Variants in TMEM245 observed in about 807,000 individuals in gnomAD.
TMEM245 encodes the protein transmembrane protein 245, also known as protein CG-2.
A neutral mutation model predicts 101.2 loss-of-function variants in TMEM245; 69 were observed. That is an observed-to-expected ratio of 0.68 (90% CI 0.56 to 0.83). The LOEUF is 0.83. Among genes scored for constraint, TMEM245 ranks in the 40% least tolerant of loss-of-function variants. The probability of loss-of-function intolerance (pLI) is 0.00; values close to 1 mark genes in which losing one functional copy is unlikely to be tolerated. For missense variants in TMEM245, 1,075 were observed against 1,092.8 expected (o/e 0.98, Z 0.23); for synonymous variants, 537 against 449.8 (o/e 1.19, Z -2.45).
chr9:109,037,368 T>A (rs543582970), intron 15 of TMEM245, among the ~76,000 whole-genome samples: 1 of 152,210 alleles, frequency 6.6e-6, no homozygotes, highest in Non-Finnish European at 1.5e-5. Context: ...AGAACATTCA[T>A]TCATTGAACA....
chr9:109,112,619 G>C (rs1350177792), intron 1 of TMEM245, among the ~76,000 whole-genome samples: 1 of 150,964 alleles, frequency 6.6e-6, no homozygotes, highest in Non-Finnish European at 1.5e-5. Flanking sequence ...TAAATGAAAA[G>C]AGCAAGGTAC....
chr9:109,050,869 A>C (rs1486583293), intron 12 of TMEM245, among the ~76,000 whole-genome samples, 177 bp from the exon 13 acceptor site: 1 of 151,838 alleles, frequency 6.6e-6, no homozygotes, highest in Non-Finnish European at 1.5e-5. Flanking sequence ...ACAGTTGTAT[A>C]CTCAATAGTA....
At chr9:109,057,491 G>C (rs139311847) in intron 11 of TMEM245, among the ~76,000 whole-genome samples, 169 bp from the exon 12 acceptor site, 158 of 152,316 alleles carry the variant, frequency 1.0e-3, no homozygotes, top group African/African-American at 3.7e-3. Flanking sequence ...GGTGGCTCAT[G>C]TCTGTAATCC....
intron 3 of TMEM245, among the ~76,000 whole-genome samples, chr9:109,103,555 A>G (rs1483007756): frequency 6.6e-6 from 1 of 152,230 alleles, no homozygotes; most frequent in Non-Finnish European, 1.5e-5. Flanking sequence ...CGCCAAAAAA[A>G]AAGAATGAGA....
chr9:109,057,925 C>CTTTTTTTTTTTT (rs35332085), intron 11 of TMEM245, among the ~76,000 whole-genome samples: 1 of 112,736 alleles, frequency 8.9e-6, no homozygotes, highest in Non-Finnish European at 1.8e-5. Context: ...CATTTACTTT[C>CTTTTTTTTTTTT]TTTTTTTTTT....
intron 4 of TMEM245, among the ~76,000 whole-genome samples, chr9:109,092,134 T>C (rs73654222): frequency 1.3e-5 from 2 of 152,344 alleles, no homozygotes; most frequent in East Asian, 3.9e-4. Flanking sequence ...TTCTCTTCAG[T>C]TGAAAGTCAG....
At chr9:109,080,255 T>TG (rs1308049621) in intron 8 of TMEM245, among the ~76,000 whole-genome samples, 2 of 151,460 alleles carry the variant, frequency 1.3e-5, no homozygotes, top group Non-Finnish European at 1.5e-5. Flanking sequence ...ACCATAAAAG[T>TG]GGGGGGGAAA....
At chr9:109,025,863 T>C (rs1221378583) in intron 17 of TMEM245, among the ~76,000 whole-genome samples, 1 of 152,240 alleles carries the variant, frequency 6.6e-6, no homozygotes, top group East Asian at 1.9e-4. Flanking sequence ...CTGTGCTGTA[T>C]CCACTACATT....
intron 1 of TMEM245, among the ~76,000 whole-genome samples, chr9:109,111,437 A>G (rs1241595403): frequency 6.6e-6 from 1 of 152,172 alleles, no homozygotes; most frequent in Non-Finnish European, 1.5e-5. Flanking sequence ...ATCATTTGCA[A>G]GGAGAGAAAA....
At position 109,050,247 on chromosome 9, in the gene TMEM245, T is replaced by G. The variant is rs756606087; in HGVS notation, c.2123+36A>C. The G allele has an allele frequency of 2.5e-6, 4 of 1,607,452 alleles. No individual in the cohort carries two copies. The Admixed American group carries it at 6.8e-5, about 27-fold the overall frequency. On this transcript the variant is annotated intron_variant, in intron 14 of 17. Coordinates refer to ENST00000374586, the MANE Select transcript of TMEM245 (RefSeq NM_032012.4). ...CAGGCTTATCATGGAAAAAAAGTTC[T>G]GGGAGAAATAAGAATAGCATAAACC...
chr9:109,061,953 T>C (rs1829028940), intron 10 of TMEM245, among the ~76,000 whole-genome samples: 1 of 152,108 alleles, frequency 6.6e-6, no homozygotes, highest in Non-Finnish European at 1.5e-5. Context: ...GGATGTTCAT[T>C]GCAGGGTTAC....
At chr9:109,088,616 G>T (rs996897778) in intron 5 of TMEM245, among the ~76,000 whole-genome samples, 2 of 151,770 alleles carry the variant, frequency 1.3e-5, no homozygotes, top group Non-Finnish European at 2.9e-5. Flanking sequence ...TCAGGAGATC[G>T]AGACCATCCT....
chr9:109,068,723 A>G (rs1416039499), intron 9 of TMEM245, among the ~76,000 whole-genome samples: 1 of 152,222 alleles, frequency 6.6e-6, no homozygotes, highest in Non-Finnish European at 1.5e-5. Context: ...AACATCTTGG[A>G]TGAGCTTCAA....
chr9:109,023,534 G>A (rs902799571), intron 17 of TMEM245, among the ~76,000 whole-genome samples: 17 of 152,020 alleles, frequency 1.1e-4, no homozygotes, highest in South Asian at 2.1e-4. Flanking sequence ...AGAATTTCTC[G>A]TCTAAGAATA....
intron 8 of TMEM245, among the ~76,000 whole-genome samples, chr9:109,077,485 C>G (rs1201698943): frequency 6.6e-6 from 1 of 152,194 alleles, no homozygotes; most frequent in Non-Finnish European, 1.5e-5. Flanking sequence ...TTATTATTTT[C>G]TAACTACTTA....
intron 16 of TMEM245, among the ~76,000 whole-genome samples, chr9:109,035,110 T>C (rs1828079187): frequency 7.0e-6 from 1 of 142,386 alleles, no homozygotes; most frequent in Non-Finnish European, 1.5e-5. Flanking sequence ...TGAGGCGAGA[T>C]TGCACCACTG....
intron 2 of TMEM245, among the ~76,000 whole-genome samples, chr9:109,106,972 A>G (rs1311219525): frequency 1.3e-5 from 2 of 152,270 alleles, no homozygotes; most frequent in East Asian, 3.9e-4. Context: ...TCAAAGCCAT[A>G]AAGTCTGCCT....
chr9:109,026,519 G>A (rs577763164), intron 17 of TMEM245, among the ~76,000 whole-genome samples: 27 of 151,790 alleles, frequency 1.8e-4, no homozygotes, highest in Non-Finnish European at 3.2e-4. Context: ...GGCACCTGGT[G>A]TATCTGAGGC....
chr9:109,119,858 G>C lies in TMEM245; in HGVS notation c.56C>G (p.Pro19Arg). The C allele has an allele frequency of 7.6e-7, 1 of 1,324,192 alleles. No individual in the cohort carries two copies. The highest frequency in any genetic ancestry group is 9.6e-7 in the Non-Finnish European group (1 of 1,047,052). 82.0% of individuals were successfully genotyped at this position (1,324,192 alleles called of 1,614,324 possible). A position where few individuals can be genotyped will look rare whatever the true frequency, so the allele number is the denominator to read the frequency against. ...DAPSLRSSPG[P>R]APRVPRAVGP... Reference sequence around the variant, plus strand: ...GACCGCGCGCGGGACCCGCGGCGCCGGCCCGGGAGAGCTCCGCAGGCTTGG... The same window carrying C: ...GACCGCGCGCGGGACCCGCGGCGCCCGCCCGGGAGAGCTCCGCAGGCTTGG... The change falls in exon 1 of 18, where the codon CCG becomes CGG. Residue 19 changes from proline to arginine, a missense_variant. Transcript: ENST00000374586.
Sources: allele counts gnomAD v4.1 joint callset (sites outside exome capture counted in the v4.1 genomes callset), GRCh38; gene constraint gnomAD v4.1.1; transcripts MANE v1.5; gene names NCBI Gene and HGNC (gene_info 2026-07-23, HGNC 2026-07-21).